The following ZNF226 variants were observed in gnomAD, a reference collection of about 807,000 sequenced individuals.
ZNF226 encodes Kruppel-associated box protein.
A neutral mutation model predicts 11.4 loss-of-function variants in ZNF226; 6 were observed. The ratio of observed to expected loss-of-function variants is 0.53; its 90% CI spans 0.29 to 1.04. The LOEUF (loss-of-function observed/expected upper bound fraction) is 1.04, where lower values mean the gene tolerates loss of function less well. ZNF226 is among the 50% of genes least tolerant of loss of function. ZNF226 has a pLI of 0.08. For missense variants in ZNF226, 1,058 were observed against 956.5 expected (o/e 1.11, Z -1.40); for synonymous variants, 350 against 322.8 (o/e 1.08, Z -0.90).
chr19:44,195,839 T>C, the ZNF226 span, among the ~76,000 whole-genome samples: 3,034 of 152,314 alleles, frequency 0.02, 70 homozygotes, highest in African/African-American at 0.056. Context: ...TACATTTGAC[T>C]TCATGAGGAG....
At chr19:44,190,328 GATTTT>G in the ZNF226 span, among the ~76,000 whole-genome samples, 3 of 151,872 alleles carry the variant, frequency 2.0e-5, no homozygotes, top group Admixed American at 6.6e-5. Context: ...AAGAATCTCA[GATTTT>G]ATTTTATTTT....
At chr19:44,180,440 A>G (rs1970890560), downstream of ZNF226, among the ~76,000 whole-genome samples, 1 of 152,114 alleles carries the variant, frequency 6.6e-6, no homozygotes, top group Non-Finnish European at 1.5e-5. Flanking sequence ...AGTCCATGAT[A>G]CCTCAAGTTG....
intron 2 of ZNF226, 148 bp downstream of exon 2, chr19:44,165,955 C>G: frequency 6.6e-6 from 1 of 152,202 alleles, no homozygotes; most frequent in African/African-American, 2.4e-5. Context: ...CACCTTTCCA[C>G]TATACAGTGG....
intron 5 of ZNF226, chr19:44,174,841 T>A: frequency 1.4e-6 from 1 of 727,552 alleles, no homozygotes; most frequent in Non-Finnish European, 2.2e-6. Context: ...AGTGCATAGG[T>A]CTTCATGCTT....
chr19:44,168,594 GTTC>G (rs919353576), intron 2 of ZNF226, among the ~76,000 whole-genome samples: 3 of 152,090 alleles, frequency 2.0e-5, no homozygotes, highest in African/African-American at 4.8e-5. Flanking sequence ...TTTGTAAAAT[GTTC>G]TTATTTTTTT....
chr19:44,170,167 T>G, intron 3 of ZNF226, 72 bp downstream of exon 3: 1 of 1,529,480 alleles, frequency 6.5e-7, no homozygotes, highest in African/African-American at 1.4e-5. Context: ...CAGGTTTTTC[T>G]TTTTCAAGTA....
intron 5 of ZNF226, chr19:44,175,040 A>G (rs747072116): frequency 6.2e-7 from 1 of 1,611,558 alleles, no homozygotes; most frequent in Non-Finnish European, 8.5e-7. Flanking sequence ...TTAAACTTGG[A>G]TTTGAAGTTA....
the ZNF226 span, among the ~76,000 whole-genome samples, chr19:44,195,622 A>G: frequency 6.6e-6 from 1 of 152,246 alleles, no homozygotes; most frequent in Admixed American, 6.5e-5. Flanking sequence ...TAGTAGTTCA[A>G]GGTTGGACAG....
At chr19:44,196,097 T>C in the ZNF226 span, among the ~76,000 whole-genome samples, 61 of 152,252 alleles carry the variant, frequency 4.0e-4, 1 homozygote, top group African/African-American at 1.4e-3. Context: ...TGGATGGTCA[T>C]GGACTTCAAA....
At position 44,175,849 on chromosome 19, in the gene ZNF226, T is replaced by G. The variant is rs1447543834; in HGVS notation, c.587T>G (p.Leu196Ter). The G allele has an allele frequency of 6.2e-7, 1 of 1,613,022 alleles. No individual in the cohort carries two copies. The highest frequency in any genetic ancestry group is 1.3e-5 in the African/African-American group (1 of 74,868). Residue 196 changes from leucine to a stop codon, truncating the protein, a stop_gained, in exon 6 of 6, where the codon TTA (leucine) becomes TGA (stop). Transcript: ENST00000337433. LOFTEE classifies it low-confidence loss of function (END_TRUNC). The part of the protein sequence containing the change: ...RDQQISIKNK[L>*]CQCKKGVDPI... ...CAGCAAATTTCCATAAAAAATAAAT[T>G]ATGTCAATGTAAGAAGGGTGTTGAT...
At chr19:44,195,607 G>C in the ZNF226 span, among the ~76,000 whole-genome samples, 1 of 152,190 alleles carries the variant, frequency 6.6e-6, no homozygotes, top group Admixed American at 6.5e-5. Context: ...CACTAACAAA[G>C]GTGGTAGTAG....
At chr19:44,173,758 GAAAA>G (rs372265729) in intron 5 of ZNF226, 1 of 143,002 alleles carries the variant, frequency 7.0e-6, no homozygotes, top group Non-Finnish European at 1.5e-5. Context: ...ACTGTCTCAA[GAAAA>G]AAAAAAAGAA....
At chr19:44,170,156 C>G (rs984693291) in intron 3 of ZNF226, 61 bp downstream of exon 3, 2 of 1,564,544 alleles carry the variant, frequency 1.3e-6, no homozygotes, top group Admixed American at 3.6e-5. Context: ...AGAGATGGAA[C>G]CAGGTTTTTC....
chr19:44,177,023 C>A lies in ZNF226; in HGVS notation c.1761C>A (p.Tyr587Ter), dbSNP rs773252890. 1.1e-5 allele frequency: 18 copies of A among 1,613,850 alleles called. No homozygotes were observed. Among genetic ancestry groups the A allele is most frequent in the East Asian group, 8.9e-5 (4 of 44,882 alleles). Residue 587 changes from tyrosine to a stop codon, truncating the protein, a stop_gained, in exon 6 of 6, where the codon TAC (tyrosine) becomes TAA (stop). Transcript: ENST00000337433. LOFTEE classifies it low-confidence loss of function (END_TRUNC). ...TGATCCATACGGGTGAGAAACCATA[C>A]AAATGTGAAGAGTGTGGCAAGGGAT... ...HQLIHTGEKP[Y>*]KCEECGKGFS...
At chr19:44,181,939 AAAGT>A (rs1460809027), downstream of ZNF226, among the ~76,000 whole-genome samples, 1 of 152,216 alleles carries the variant, frequency 6.6e-6, no homozygotes, top group Non-Finnish European at 1.5e-5. Context: ...ATACATCGCC[AAAGT>A]AAGGATTTTT....
intron 2 of ZNF226, among the ~76,000 whole-genome samples, chr19:44,168,998 CTT>C (rs34967576): frequency 1.4e-4 from 13 of 90,816 alleles, no homozygotes; most frequent in African/African-American, 7.7e-4. Flanking sequence ...CTCCCTTTTC[CTT>C]TTTTTTTTTT....
the ZNF226 span, among the ~76,000 whole-genome samples, chr19:44,197,791 T>C: frequency 1.3e-5 from 2 of 152,238 alleles, no homozygotes; most frequent in African/African-American, 4.8e-5. Flanking sequence ...GTGTGTATTG[T>C]GATTATCTTT....
chr19:44,169,355 G>A (rs905625615), intron 2 of ZNF226, among the ~76,000 whole-genome samples: 1 of 151,998 alleles, frequency 6.6e-6, no homozygotes, highest in Non-Finnish European at 1.5e-5. Flanking sequence ...ATTGTCAAAC[G>A]GTGTTTTTTA....
Position 44,176,042 on chromosome 19 carries a change from C to G in ZNF226, c.780C>G (p.Pro260=). Reference sequence around the variant, plus strand: ...ACCAGTGTAATGAGTGTAAAAAACCCTTCAGTGATCTCTCCAGCTTTGATC... The same window carrying G: ...ACCAGTGTAATGAGTGTAAAAAACCGTTCAGTGATCTCTCCAGCTTTGATC... ...KSYQCNECKK[P]FSDLSSFDLH... is the part of the protein sequence containing the mutation. The change falls in exon 6 of 6, where the codon CCC becomes CCG. Residue 260 remains proline (P), a synonymous_variant. Coordinates refer to ENST00000337433, the MANE Select transcript of ZNF226 (RefSeq NM_001032373.2). 3.1e-6 allele frequency: 5 copies of G among 1,614,044 alleles called. No individual in the cohort carries two copies. The highest frequency in any genetic ancestry group is 4.2e-6 in the Non-Finnish European group (5 of 1,179,948).
Sources: gnomAD v4.1 joint callset for allele counts (sites outside exome capture counted in the v4.1 genomes callset) on GRCh38, gnomAD v4.1.1 for gene constraint, MANE v1.5 for transcripts, NCBI Gene and HGNC (gene_info 2026-07-23, HGNC 2026-07-21) for gene names.